Variants in FAAH2 observed in about 807,000 individuals in gnomAD.
FAAH2 encodes fatty acid amide hydrolase 2.
A neutral mutation model predicts 36.9 loss-of-function variants in FAAH2; 60 were observed. That is an observed-to-expected ratio of 1.63 (90% CI 1.32 to 2.02). The LOEUF is 2.02. FAAH2 is among the 30% of genes most tolerant of loss of function. FAAH2 has a pLI of 0.00. For synonymous variants in FAAH2, 214 were observed against 143.8 expected, an observed-to-expected ratio of 1.49 and a Z score of -3.49; for missense variants, 689 against 397.5, an observed-to-expected ratio of 1.73 and a Z score of -6.23.
chrX:57,435,746 T>A (rs776211495), intron 8 of FAAH2, among the ~76,000 whole-genome samples: 25 of 110,946 alleles, frequency 2.3e-4, no homozygotes, highest in African/African-American at 7.8e-4. Context: ...ACAATAATAG[T>A]GTGAGACTTC....
chrX:57,190,643 A>T, the FAAH2 span, among the ~76,000 whole-genome samples: 1 of 110,234 alleles, frequency 9.1e-6, no homozygotes, highest in African/African-American at 3.3e-5. Context: ...TGGCTGGGAA[A>T]GGGAAGCCCC....
chrX:57,340,078 G>A (rs2053649744), intron 4 of FAAH2, among the ~76,000 whole-genome samples: 1 of 111,860 alleles, frequency 8.9e-6, no homozygotes, highest in African/African-American at 3.3e-5. Context: ...TAGGAAAGCT[G>A]ACAATGCAGC....
intron 10 of FAAH2, among the ~76,000 whole-genome samples, chrX:57,463,474 G>A (rs369946959): frequency 5.4e-5 from 6 of 111,024 alleles, no homozygotes; most frequent in African/African-American, 2.0e-4. Flanking sequence ...TAGACCAATA[G>A]AACAGAACAG....
chrX:57,188,000 C>A, the FAAH2 span, among the ~76,000 whole-genome samples: 2 of 111,778 alleles, frequency 1.8e-5, no homozygotes, highest in Non-Finnish European at 3.8e-5. Context: ...CAGTGCCCAA[C>A]AGGGATAATA....
upstream of FAAH2, among the ~76,000 whole-genome samples, chrX:57,285,181 C>T (rs1220485823): frequency 8.9e-6 from 1 of 111,847 alleles, no homozygotes; most frequent in Non-Finnish European, 1.9e-5. Context: ...TGCTTTCTAC[C>T]AGGTGCTTGA....
At chrX:57,232,718 A>C in the FAAH2 span, among the ~76,000 whole-genome samples, 1 of 112,091 alleles carries the variant, frequency 8.9e-6, no homozygotes, top group East Asian at 2.8e-4. Flanking sequence ...CTGGTCTATA[A>C]ATGTCTTGTT....
the FAAH2 span, among the ~76,000 whole-genome samples, chrX:57,122,994 A>G: frequency 9.0e-6 from 1 of 111,479 alleles, no homozygotes; most frequent in Non-Finnish European, 1.9e-5. Context: ...TTTTTATTTT[A>G]TTTTCATTTT....
the FAAH2 span, among the ~76,000 whole-genome samples, chrX:57,150,816 G>T: frequency 9.0e-6 from 1 of 111,722 alleles, no homozygotes; most frequent in Admixed American, 9.5e-5. Flanking sequence ...ATGTTAGCTG[G>T]TTATTTTGCT....
At chrX:57,148,298 G>T in the FAAH2 span, among the ~76,000 whole-genome samples, 1 of 111,735 alleles carries the variant, frequency 8.9e-6, no homozygotes, top group Non-Finnish European at 1.9e-5. Flanking sequence ...ATTCTATGAA[G>T]AAAGTCATTG....
chrX:57,470,773 A>C (rs1297446522), intron 10 of FAAH2, among the ~76,000 whole-genome samples: 1 of 111,613 alleles, frequency 9.0e-6, no homozygotes, highest in Non-Finnish European at 1.9e-5. Context: ...CTAATACCAA[A>C]GCCTGGCAGA....
the FAAH2 span, among the ~76,000 whole-genome samples, chrX:57,232,377 CA>C: frequency 8.9e-6 from 1 of 111,914 alleles, no homozygotes; most frequent in Admixed American, 9.5e-5. Context: ...AGATTGTTCT[CA>C]ATGGGGAACT....
chrX:57,136,205 T>C, the FAAH2 span: 3 of 1,210,848 alleles, frequency 2.5e-6, no homozygotes, highest in East Asian at 8.9e-5. Flanking sequence ...GTTCCACTGC[T>C]TTGCCAATTA....
At chrX:57,151,416 G>A in the FAAH2 span, among the ~76,000 whole-genome samples, 9 of 111,629 alleles carry the variant, frequency 8.1e-5, no homozygotes, top group Admixed American at 8.5e-4. Flanking sequence ...CATAGATTTG[G>A]TCTTTTCACA....
chrX:57,311,994 G>A (rs1042132700), intron 3 of FAAH2, among the ~76,000 whole-genome samples: 1 of 112,237 alleles, frequency 8.9e-6, no homozygotes, highest in African/African-American at 3.2e-5. Context: ...TCTGGGCAAG[G>A]TGAGATGGGG....
chrX:57,464,509 T>C (rs1398231322), intron 10 of FAAH2, among the ~76,000 whole-genome samples: 6 of 57,920 alleles, frequency 1.0e-4, no homozygotes, highest in Non-Finnish European at 1.9e-4. Flanking sequence ...AAGTTCCTAA[T>C]AGCAATTGCA....
chrX:57,448,740 A>C (rs777948638), intron 10 of FAAH2, 22 bp downstream of exon 10: 3 of 1,150,500 alleles, frequency 2.6e-6, no homozygotes, highest in South Asian at 3.8e-5. Flanking sequence ...TATTCCTTAC[A>C]TTCTGTAATC....
rs1284230624 is a variant in FAAH2, at chrX:57,306,994, GATACATATATATAT to G, written c.276-3595_276-3582del. On this transcript the variant is annotated intron_variant, in intron 2 of 10. Transcript: ENST00000374900. ...ACACGTATACACACACACACACACA[GATACATATATATAT>G]ATATATATAGCCTTTGTCCTCTGAG... Among the ~76,000 whole-genome samples, 2 of 31,023 alleles carry G rather than the reference GATACATATATATAT, an allele frequency of 6.4e-5. 1 individual carries two copies. The highest frequency in any genetic ancestry group is 1.5e-4 in the Non-Finnish European group (2 of 13,765). 26.9% of individuals were successfully genotyped at this position (31,023 alleles called of 115,157 possible).
intron 5 of FAAH2, among the ~76,000 whole-genome samples, chrX:57,349,577 G>A (rs1338031437): frequency 9.7e-6 from 1 of 103,105 alleles, no homozygotes; most frequent in African/African-American, 3.5e-5. Flanking sequence ...TTTAAAACAG[G>A]AATTCTAGAA....
rs1372795243 is a variant in FAAH2 at position 57,378,855 on chromosome X, T to C, written c.878+69T>C. 4 of 1,115,471 alleles carry C rather than the reference T, an allele frequency of 3.6e-6. No homozygotes were observed. The African/African-American group carries it at 5.5e-5, about 15-fold the overall frequency. 91.9% of individuals were successfully genotyped at this position (1,115,471 alleles called of 1,213,427 possible). A position where few individuals can be genotyped will look rare whatever the true frequency, so the allele number is the denominator to read the frequency against. On this transcript the variant is annotated intron_variant, in intron 6 of 10. Transcript: ENST00000374900. ...TTCATTCTCTCTTTGTTTATTAGTG[T>C]CATAGAGGTAGACTTTCAGTCCTCA...
Sources: allele counts gnomAD v4.1 joint callset (sites outside exome capture counted in the v4.1 genomes callset), GRCh38; gene constraint gnomAD v4.1.1; transcripts MANE v1.5; gene names NCBI Gene and HGNC (gene_info 2026-07-23, HGNC 2026-07-21).